KCNH8: variants seen among roughly 807,000 people sequenced by gnomAD.
The protein encoded by KCNH8 is potassium voltage-gated channel subfamily H member 8, also known as voltage-gated delayed rectifier potassium channel KCNH8.
KCNH8 carries 70 observed loss-of-function variants against 103.6 expected under a neutral mutation model. That is an observed-to-expected ratio of 0.68 (90% CI 0.56 to 0.82). The LOEUF is 0.82. Among genes scored for constraint, KCNH8 ranks in the 40% least tolerant of loss-of-function variants. The pLI is 0.00. For missense variants in KCNH8, 1,217 were observed against 1,329.9 expected (o/e 0.92, Z 1.32); for synonymous variants, 498 against 489.4 (o/e 1.02, Z -0.23).
chr3:19,381,667 A>T (rs1574994812), intron 5 of KCNH8, among the ~76,000 whole-genome samples: 1 of 152,154 alleles, frequency 6.6e-6, no homozygotes, highest in East Asian at 1.9e-4. Flanking sequence ...AATGAAAATA[A>T]CTTCACTACC....
intron 3 of KCNH8, among the ~76,000 whole-genome samples, chr3:19,284,209 G>A (rs552568296): frequency 6.6e-6 from 1 of 151,976 alleles, no homozygotes; most frequent in South Asian, 2.1e-4. Context: ...CATCACTAAA[G>A]TTCATCTAAG....
At chr3:19,235,623 C>G (rs549018736) in intron 1 of KCNH8, among the ~76,000 whole-genome samples, 2 of 152,060 alleles carry the variant, frequency 1.3e-5, no homozygotes, top group Non-Finnish European at 2.9e-5. Flanking sequence ...TTAAGAATAA[C>G]GATATAACAA....
At chr3:19,398,917 C>A (rs771538847) in intron 7 of KCNH8, among the ~76,000 whole-genome samples, 1 of 151,868 alleles carries the variant, frequency 6.6e-6, no homozygotes, top group Non-Finnish European at 1.5e-5. Context: ...ATTGCCTTTG[C>A]GGTTTAGTTT....
chr3:19,167,851 A>G (rs2063300688), intron 1 of KCNH8, among the ~76,000 whole-genome samples: 1 of 152,114 alleles, frequency 6.6e-6, no homozygotes, highest in Admixed American at 6.5e-5. Context: ...CCAGTTTTAC[A>G]TGGAATCATT....
chr3:19,531,882 A>G (rs2069167950), intron 15 of KCNH8, among the ~76,000 whole-genome samples: 1 of 152,218 alleles, frequency 6.6e-6, no homozygotes, highest in Non-Finnish European at 1.5e-5. Context: ...TGCTTCTATT[A>G]GCATTTTGTG....
chr3:19,363,637 A>AG (rs776524643), intron 5 of KCNH8, among the ~76,000 whole-genome samples: 25 of 152,180 alleles, frequency 1.6e-4, no homozygotes, highest in Non-Finnish European at 3.2e-4. Flanking sequence ...AATGGAACTA[A>AG]GGGGTAGTGC....
rs190879471 is a variant in KCNH8 at position 19,324,632 on chromosome 3, G to A, written c.443-17955G>A. Among the ~76,000 whole-genome samples the A allele has an allele frequency of 2.6e-5, 4 of 152,240 alleles. No homozygotes were observed. In the Middle Eastern group the frequency reaches 0.01, roughly 388 times the overall value. ...AATACCTAGGAATACAGCTTGCTAGGGGGGTGAAAGATCTCCATAGGGAGT... is the reference window on the plus strand; with the variant it reads ...AATACCTAGGAATACAGCTTGCTAGAGGGGTGAAAGATCTCCATAGGGAGT... On this transcript the variant is annotated intron_variant, in intron 3 of 15. Coordinates refer to ENST00000328405, the MANE Select transcript of KCNH8 (RefSeq NM_144633.3).
At chr3:19,490,557 G>T (rs1434806049) in intron 11 of KCNH8, among the ~76,000 whole-genome samples, 1 of 151,900 alleles carries the variant, frequency 6.6e-6, no homozygotes, top group Non-Finnish European at 1.5e-5. Context: ...ATTAGGTCAG[G>T]GGTCGATCTT....
At chr3:19,402,659 A>C (rs2066630450) in intron 7 of KCNH8, among the ~76,000 whole-genome samples, 1 of 151,920 alleles carries the variant, frequency 6.6e-6, no homozygotes, top group Admixed American at 6.6e-5. Flanking sequence ...TCTCCACGAT[A>C]CTGATCCTAG....
intron 1 of KCNH8, among the ~76,000 whole-genome samples, chr3:19,154,208 A>G (rs1054002659): frequency 1.3e-5 from 2 of 152,170 alleles, no homozygotes; most frequent in Non-Finnish European, 2.9e-5. Context: ...TGTATCATAT[A>G]TGATAGGTGC....
intron 3 of KCNH8, among the ~76,000 whole-genome samples, chr3:19,309,937 G>C (rs536780306): frequency 1.3e-5 from 2 of 151,996 alleles, no homozygotes; most frequent in South Asian, 4.2e-4. Context: ...CATCATCTCT[G>C]TGTTTCTTGG....
At chr3:19,244,063 A>G in intron 1 of KCNH8, among the ~76,000 whole-genome samples, 1 of 152,186 alleles carries the variant, frequency 6.6e-6, no homozygotes, top group Non-Finnish European at 1.5e-5. Flanking sequence ...AACTTCTAAA[A>G]GAAGTTTTTT....
intron 15 of KCNH8, among the ~76,000 whole-genome samples, chr3:19,525,222 TA>T (rs538054814): frequency 1.3e-5 from 2 of 151,606 alleles, no homozygotes; most frequent in Non-Finnish European, 2.9e-5. Context: ...AAAATCAAAA[TA>T]AAAAAAGAAA....
At chr3:19,521,951 A>T (rs966291211) in intron 15 of KCNH8, among the ~76,000 whole-genome samples, 4 of 151,962 alleles carry the variant, frequency 2.6e-5, no homozygotes, top group South Asian at 2.1e-4. Flanking sequence ...ACAGAAAGGT[A>T]AGCATAACCA....
chr3:19,269,936 A>G (rs2064564844), intron 2 of KCNH8, among the ~76,000 whole-genome samples: 1 of 152,160 alleles, frequency 6.6e-6, no homozygotes, highest in Non-Finnish European at 1.5e-5. Context: ...CCACTATGAC[A>G]TAGTCTAGGC....
In KCNH8 at chr3:19,386,002, C is replaced by T. The variant is rs2066351176; in HGVS notation, c.812-4479C>T. On this transcript the variant is annotated intron_variant, in intron 5 of 15. Transcript: ENST00000328405. ...GCCAATATGATTTTAAAATTATTTC[C>T]CATTTGTCATGGATGCTAATAAAGA... 2.0e-5 allele frequency among the ~76,000 whole-genome samples: 3 copies of T among 151,936 alleles called. No homozygotes were observed. The South Asian group carries it at 6.2e-4, about 32-fold the overall frequency.
At chr3:19,373,937 C>T (rs1227354546) in intron 5 of KCNH8, among the ~76,000 whole-genome samples, 1 of 152,228 alleles carries the variant, frequency 6.6e-6, no homozygotes, top group Admixed American at 6.5e-5. Flanking sequence ...GATTCTTAAT[C>T]CTGAGTTCTA....
chr3:19,234,416 C>G (rs992318580), intron 1 of KCNH8, among the ~76,000 whole-genome samples: 1 of 152,188 alleles, frequency 6.6e-6, no homozygotes, highest in Non-Finnish European at 1.5e-5. Context: ...CTGCAGGTCC[C>G]GAGCCCTGCC....
chr3:19,381,673 C>A (rs2066289777), intron 5 of KCNH8, among the ~76,000 whole-genome samples: 1 of 151,582 alleles, frequency 6.6e-6, no homozygotes, highest in South Asian at 2.1e-4. Flanking sequence ...AATAACTTCA[C>A]TACCACGAGA....
Sources: allele counts gnomAD v4.1 joint callset (sites outside exome capture counted in the v4.1 genomes callset), GRCh38; gene constraint gnomAD v4.1.1; transcripts MANE v1.5; gene names NCBI Gene and HGNC (gene_info 2026-07-23, HGNC 2026-07-21).